The following RPS6KC1 variants were observed in gnomAD, a reference collection of about 807,000 sequenced individuals.
RPS6KC1 encodes the protein ribosomal protein S6 kinase C1.
In RPS6KC1, 54 loss-of-function variants were observed where a neutral mutation model predicts 103.8. The observed-to-expected ratio is 0.52, with a 90% CI of 0.42 to 0.65. The LOEUF (loss-of-function observed/expected upper bound fraction) is 0.65. Ranked by LOEUF, RPS6KC1 falls within the 30% of genes least tolerant of loss-of-function variation. The pLI is 0.00. For missense variants in RPS6KC1, 1,151 were observed against 1,253.8 expected (o/e 0.92, Z 1.24); for synonymous variants, 439 against 438.7 (o/e 1.00, Z -0.01).
At chr1:213,726,616 A>T in the RPS6KC1 span, among the ~76,000 whole-genome samples, 4 of 152,352 alleles carry the variant, frequency 2.6e-5, no homozygotes, top group East Asian at 5.8e-4. Flanking sequence ...TTGCTTAAGC[A>T]TCTAAGAATA....
chr1:213,619,263 C>A, the RPS6KC1 span, among the ~76,000 whole-genome samples: 2 of 152,166 alleles, frequency 1.3e-5, no homozygotes, highest in Non-Finnish European at 2.9e-5. Flanking sequence ...GATTAACATT[C>A]CAAGGACAGA....
chr1:213,277,631 C>T (rs1200049912), downstream of RPS6KC1, among the ~76,000 whole-genome samples: 1 of 152,238 alleles, frequency 6.6e-6, no homozygotes, highest in Non-Finnish European at 1.5e-5. Flanking sequence ...GATGGCCAAC[C>T]TGCCTTTTAG....
the RPS6KC1 span, among the ~76,000 whole-genome samples, chr1:213,367,612 T>A: frequency 6.6e-6 from 1 of 152,198 alleles, no homozygotes; most frequent in Non-Finnish European, 1.5e-5. Flanking sequence ...TACCCCAGAA[T>A]GCAAATAAAA....
the RPS6KC1 span, among the ~76,000 whole-genome samples, chr1:213,307,337 C>T: frequency 2.0e-5 from 3 of 152,056 alleles, 1 homozygote; most frequent in East Asian, 3.9e-4. Context: ...AAGCGTGAGT[C>T]GCCGCGCCTG....
At chr1:213,434,983 T>C in the RPS6KC1 span, among the ~76,000 whole-genome samples, 1 of 152,194 alleles carries the variant, frequency 6.6e-6, no homozygotes. Context: ...TCTTTCTGCC[T>C]CCTCTTCTTT....
the RPS6KC1 span, among the ~76,000 whole-genome samples, chr1:213,796,450 G>A: frequency 1.3e-5 from 2 of 152,138 alleles, no homozygotes; most frequent in Non-Finnish European, 2.9e-5. Context: ...TCAGAGAGGC[G>A]TTTTGTATTC....
chr1:213,514,327 C>T, the RPS6KC1 span, among the ~76,000 whole-genome samples: 1 of 151,312 alleles, frequency 6.6e-6, no homozygotes, highest in African/African-American at 2.4e-5. Flanking sequence ...TGTGCTGCAC[C>T]CATTAACTCA....
At chr1:213,715,022 C>T in the RPS6KC1 span, among the ~76,000 whole-genome samples, 1 of 152,266 alleles carries the variant, frequency 6.6e-6, no homozygotes, top group Non-Finnish European at 1.5e-5. Flanking sequence ...GAGAGAACAG[C>T]AGAACCAGAG....
At chr1:213,117,237 T>A in intron 4 of RPS6KC1, 80 bp from the exon 5 acceptor site, 9 of 737,860 alleles carry the variant, frequency 1.2e-5, no homozygotes, top group African/African-American at 3.6e-5. Flanking sequence ...TTACACATAC[T>A]TAATTGGGAT....
chr1:213,443,537 C>T, the RPS6KC1 span, among the ~76,000 whole-genome samples: 7 of 152,196 alleles, frequency 4.6e-5, no homozygotes, highest in South Asian at 2.1e-4. Context: ...TATATGGAAA[C>T]GTGCTGGGCT....
At chr1:213,327,558 C>T in the RPS6KC1 span, among the ~76,000 whole-genome samples, 4 of 152,002 alleles carry the variant, frequency 2.6e-5, no homozygotes, top group Non-Finnish European at 4.4e-5. Context: ...TGTGAAGTTC[C>T]TGCATTGCTA....
At chr1:213,363,620 TGC>T in the RPS6KC1 span, among the ~76,000 whole-genome samples, 318 of 87,240 alleles carry the variant, frequency 3.6e-3, 4 homozygotes, top group Admixed American at 9.3e-3. Context: ...CTTGCTTGCT[TGC>T]TTGCTTTCTT....
At chr1:213,840,333 C>A in the RPS6KC1 span, 1 of 152,182 alleles carries the variant, frequency 6.6e-6, no homozygotes, top group Non-Finnish European at 1.5e-5. Flanking sequence ...AAGATTCATT[C>A]TTCTACACTC....
At position 213,155,002 on chromosome 1, in the gene RPS6KC1, C is replaced by A. The variant is rs1404067804; in HGVS notation, c.836-12856C>A. On this transcript the variant is annotated intron_variant, in intron 6 of 14. Coordinates refer to ENST00000366960, the MANE Select transcript of RPS6KC1 (RefSeq NM_012424.6). Reference sequence around the variant, plus strand: ...GCTGCCAGCACGAAGTCCTTTCTTTCAAGGCAGCAGGTTCCCTTCTGGCTC... The same window carrying A: ...GCTGCCAGCACGAAGTCCTTTCTTTAAAGGCAGCAGGTTCCCTTCTGGCTC... Among the ~76,000 whole-genome samples, 3 of 152,200 alleles carry A rather than the reference C, an allele frequency of 2.0e-5. No homozygotes were observed. In the South Asian group the frequency reaches 6.2e-4, roughly 32 times the overall value.
chr1:213,635,729 C>T, the RPS6KC1 span, among the ~76,000 whole-genome samples: 3 of 152,338 alleles, frequency 2.0e-5, no homozygotes, highest in East Asian at 5.8e-4. Context: ...TGCCCTCTCT[C>T]ACCACTCCTA....
chr1:213,680,382 A>G, the RPS6KC1 span, among the ~76,000 whole-genome samples: 1 of 152,182 alleles, frequency 6.6e-6, no homozygotes, highest in Non-Finnish European at 1.5e-5. Flanking sequence ...CTCCTGGTCC[A>G]GAGATCTGTT....
At chr1:213,416,378 AC>A in the RPS6KC1 span, among the ~76,000 whole-genome samples, 3 of 152,228 alleles carry the variant, frequency 2.0e-5, no homozygotes, top group Non-Finnish European at 4.4e-5. Context: ...TCTGAATTGG[AC>A]ATTGGAGAAT....
rs1441129384 is a variant in RPS6KC1 at position 213,261,540 on chromosome 1, C to G, written c.2912-18C>G. 10 of 1,609,612 alleles carry G rather than the reference C, an allele frequency of 6.2e-6. No homozygotes were observed. Among genetic ancestry groups the G allele is most frequent in the Non-Finnish European group, 7.6e-6 (9 of 1,177,140 alleles). ...TGACCTTTGGAATTTTAATATCAACCTTTTTTGGTGTGGTTAGAGGTTGGA... is the reference window on the plus strand; with the variant it reads ...TGACCTTTGGAATTTTAATATCAACGTTTTTTGGTGTGGTTAGAGGTTGGA... On this transcript the variant is annotated intron_variant, in intron 12 of 14. Coordinates refer to ENST00000366960, the MANE Select transcript of RPS6KC1 (RefSeq NM_012424.6).
chr1:213,480,303 T>C, the RPS6KC1 span, among the ~76,000 whole-genome samples: 3 of 152,096 alleles, frequency 2.0e-5, no homozygotes, highest in African/African-American at 7.2e-5. Context: ...TATGTATTTC[T>C]CCCCCTAAAG....
Sources: gnomAD v4.1 joint callset for allele counts (sites outside exome capture counted in the v4.1 genomes callset) on GRCh38, gnomAD v4.1.1 for gene constraint, MANE v1.5 for transcripts, NCBI Gene and HGNC (gene_info 2026-07-23, HGNC 2026-07-21) for gene names.